SYNE1: variants seen among roughly 807,000 people sequenced by gnomAD.
The protein encoded by SYNE1 is spectrin repeat containing nuclear envelope protein 1.
Under a neutral mutation model 1,111.0 loss-of-function variants are expected in SYNE1, and 616 were observed. The ratio of observed to expected loss-of-function variants is 0.55; its 90% CI spans 0.52 to 0.59. The LOEUF is 0.59. Ranked by LOEUF, SYNE1 falls within the 20% of genes least tolerant of loss-of-function variation. SYNE1 has a pLI of 0.00. For missense variants in SYNE1, 10,006 were observed against 10,417.0 expected, an observed-to-expected ratio of 0.96 and a Z score of 1.72; for synonymous variants, 3,855 against 3,825.8, an observed-to-expected ratio of 1.01 and a Z score of -0.28.
At chr6:152,236,610 C>CA (rs1562399852) in intron 109 of SYNE1, among the ~76,000 whole-genome samples, 1 of 151,078 alleles carries the variant, frequency 6.6e-6, no homozygotes, top group South Asian at 2.1e-4. Flanking sequence ...GCTGAATTTT[C>CA]AAAAAGAGCT....
intron 8 of SYNE1, 41 bp from the exon 9 acceptor site, chr6:152,505,438 T>C: frequency 6.2e-7 from 1 of 1,604,850 alleles, no homozygotes; most frequent in Non-Finnish European, 8.5e-7. Flanking sequence ...ACATTCTGAA[T>C]AGATACAAGC....
chr6:152,416,333 C>A, intron 41 of SYNE1, 54 bp downstream of exon 41: 2 of 1,607,382 alleles, frequency 1.2e-6, no homozygotes, highest in South Asian at 1.1e-5. Flanking sequence ...AAAGTTAATT[C>A]CAGAACAAAT....
rs776940708 is a variant in SYNE1, at chr6:152,310,670, T to C, written c.16896+18A>G. 2.5e-6 allele frequency: 4 copies of C among 1,611,222 alleles called. No homozygotes were observed. The highest frequency in any genetic ancestry group is 1.3e-5 in the African/African-American group (1 of 74,656). On this transcript the variant is annotated intron_variant, in intron 88 of 145. Transcript: ENST00000367255. Reference sequence around the variant, plus strand: ...TGATAGACATTTTTTTCTGTTTCTTTTTTTTTTCTTTTTTTACCTTAGCTG... The same window carrying C: ...TGATAGACATTTTTTTCTGTTTCTTCTTTTTTTCTTTTTTTACCTTAGCTG...
Position 152,308,540 on chromosome 6 carries a change from A to C in SYNE1, c.17295T>G (p.Pro5765=). The change falls in exon 91 of 146, where the codon CCT becomes CCG. Residue 5765 remains proline (P), a synonymous_variant. Transcript: ENST00000367255. ...EGAHREIEDK[P]VATSNIQELQ... ...GCTCCTGTATGTTACTGGTGGCAAC[A>C]GGTTTATCCTCAATCTCTCTGTGAG... 1 of 1,614,046 alleles carries C rather than the reference A, an allele frequency of 6.2e-7. No individual in the cohort carries two copies. Among genetic ancestry groups the C allele is most frequent in the East Asian group, 2.2e-5 (1 of 44,864 alleles).
At chr6:152,297,244 C>G (rs2153797636) in intron 93 of SYNE1, among the ~76,000 whole-genome samples, 1 of 152,288 alleles carries the variant, frequency 6.6e-6, no homozygotes, top group Non-Finnish European at 1.5e-5. Context: ...TCCACAGCTT[C>G]CAACAGGTGG....
Position 152,471,732 on chromosome 6 carries a change from G to A in SYNE1, c.1497C>T (p.His499=), listed in dbSNP as rs758555741. Residue 499 remains histidine, a synonymous_variant, in exon 16 of 146, where the codon CAC becomes CAT. Transcript: ENST00000367255. ...FHFVSSTSEL[H]LMKMEFLELK... ...ATTCTAAAAATTCCATTTTCATTAG[G>A]TGTAGCTCTGATGTGGAGGAAACAA... The A allele has an allele frequency of 1.4e-5, 22 of 1,613,714 alleles. 1 individual carries two copies. In the Admixed American group the frequency reaches 2.0e-4, roughly 15 times the overall value.
chr6:152,187,274 G>A (rs1186631984), intron 128 of SYNE1, among the ~76,000 whole-genome samples: 5 of 152,108 alleles, frequency 3.3e-5, no homozygotes, highest in Admixed American at 1.3e-4. Flanking sequence ...AGAAAAACAT[G>A]GGTTTTCACC....
In SYNE1 at chr6:152,259,322, G is replaced by C. The variant is rs2091555403; in HGVS notation, c.18973-2557C>G. On this transcript the variant is annotated intron_variant, in intron 101 of 145. Coordinates refer to ENST00000367255, the MANE Select transcript of SYNE1 (RefSeq NM_182961.4). ...CACTATTTCCTTATTCGGGTTATAG[G>C]TTCTCAGAAGCAGGAGCTGTATTTC... is the stretch of plus-strand genomic sequence containing the variant. Among the ~76,000 whole-genome samples, 3 of 151,982 alleles carry C rather than the reference G, an allele frequency of 2.0e-5. No homozygotes were observed. The South Asian group carries it at 6.2e-4, about 32-fold the overall frequency.
chr6:152,230,684 A>C lies in SYNE1; in HGVS notation c.21058T>G (p.Leu7020Val), dbSNP rs781402160. ...VTEKIQLLEG[L>V]LESWSEYENN... is the part of the protein sequence containing the mutation. ...TCATATTCTGACCAAGATTCCAATA[A>C]GCCTTCCAACAGCTGGATCTGAACA... Residue 7020 changes from leucine to valine, a missense_variant, in exon 115 of 146, where the codon TTA becomes GTA. Coordinates refer to ENST00000367255, the MANE Select transcript of SYNE1 (RefSeq NM_182961.4). 5.0e-6 allele frequency: 8 copies of C among 1,613,930 alleles called. No homozygotes were observed. The highest frequency in any genetic ancestry group is 4.2e-6 in the Non-Finnish European group (5 of 1,179,962).
intron 3 of SYNE1, among the ~76,000 whole-genome samples, chr6:152,608,969 A>G (rs1189041622): frequency 1.3e-5 from 2 of 152,094 alleles, no homozygotes; most frequent in African/African-American, 4.8e-5. Flanking sequence ...GAGTTAGACA[A>G]GCTGATTTTG....
Position 152,430,835 on chromosome 6 carries a change from G to T in SYNE1, c.4462-126C>A, listed in dbSNP as rs575141343. 6 of 886,844 alleles carry T rather than the reference G, an allele frequency of 6.8e-6. No individual in the cohort carries two copies. In the East Asian group the frequency reaches 1.3e-4, roughly 19 times the overall value. The allele number at this position is 886,844 out of a possible 1,614,324, so 54.9% of individuals were successfully genotyped here. On this transcript the variant is annotated intron_variant, in intron 34 of 145. Transcript: ENST00000367255. ...ATTTGAAGACTTGGATGGTTAGAGC[G>T]CAGCTGTGAGCAAACACCATGTGTT...
At chr6:152,311,988 G>A (rs2095566224) in intron 87 of SYNE1, among the ~76,000 whole-genome samples, 1 of 152,108 alleles carries the variant, frequency 6.6e-6, no homozygotes, top group African/African-American at 2.4e-5. Context: ...GTTTCATCGT[G>A]TTAGCCAGGA....
rs1191439188 is a variant in SYNE1, at chr6:152,551,755, T to A, written c.68-11734A>T. 6.6e-5 allele frequency among the ~76,000 whole-genome samples: 10 copies of A among 152,342 alleles called. No individual in the cohort carries two copies. The East Asian group carries it at 1.4e-3, about 21-fold the overall frequency. Reference sequence around the variant, plus strand: ...CTGCCTTCACATCTAAGAGTTTTCCTACTGAATTACATATAAAGGTGCATG... The same window carrying A: ...CTGCCTTCACATCTAAGAGTTTTCCAACTGAATTACATATAAAGGTGCATG... On this transcript the variant is annotated intron_variant, in intron 3 of 145. Coordinates refer to ENST00000367255, the MANE Select transcript of SYNE1 (RefSeq NM_182961.4).
At chr6:152,142,212 T>G (rs2058671770) in intron 138 of SYNE1, among the ~76,000 whole-genome samples, 1 of 152,234 alleles carries the variant, frequency 6.6e-6, no homozygotes, top group Non-Finnish European at 1.5e-5. Context: ...TCAAGTTTCT[T>G]TACGATTCAT....
intron 24 of SYNE1, among the ~76,000 whole-genome samples, 172 bp from the exon 25 acceptor site, chr6:152,453,892 T>C (rs1045064024): frequency 1.3e-5 from 2 of 152,264 alleles, no homozygotes; most frequent in African/African-American, 4.8e-5. Flanking sequence ...CCTATAGTTA[T>C]GAATCAGAAG....
chr6:152,332,199 C>T (rs2096265016), intron 77 of SYNE1, among the ~76,000 whole-genome samples: 1 of 152,164 alleles, frequency 6.6e-6, no homozygotes, highest in Non-Finnish European at 1.5e-5. Flanking sequence ...GTCTCTAACT[C>T]CTGACCTCAG....
intron 39 of SYNE1, among the ~76,000 whole-genome samples, chr6:152,420,630 A>G (rs2098243185): frequency 6.6e-6 from 1 of 152,070 alleles, no homozygotes; most frequent in Non-Finnish European, 1.5e-5. Context: ...AAAAGAAAAA[A>G]CTTCCAGGAC....
chr6:152,517,835 T>C (rs2099119594), intron 6 of SYNE1, among the ~76,000 whole-genome samples: 1 of 152,158 alleles, frequency 6.6e-6, no homozygotes. Flanking sequence ...GAGAGACTGG[T>C]TATCTAAAGG....
At chr6:152,344,318 T>C in intron 73 of SYNE1, 91 bp from the exon 74 acceptor site, 1 of 1,533,266 alleles carries the variant, frequency 6.5e-7, no homozygotes, top group Non-Finnish European at 8.9e-7. Flanking sequence ...CCAGTACATC[T>C]AAATGGATTT....
Sources: allele counts gnomAD v4.1 joint callset (sites outside exome capture counted in the v4.1 genomes callset), GRCh38; gene constraint gnomAD v4.1.1; transcripts MANE v1.5; gene names NCBI Gene and HGNC (gene_info 2026-07-23, HGNC 2026-07-21).